The following APOOL variants were observed in gnomAD, a reference collection of about 807,000 sequenced individuals.
APOOL encodes the protein apolipoprotein O like.
A neutral mutation model predicts 23.1 loss-of-function variants in APOOL; 12 were observed. The ratio of observed to expected loss-of-function variants is 0.52; its 90% CI spans 0.33 to 0.84. The LOEUF is 0.84. Among genes scored for constraint, APOOL ranks in the 40% least tolerant of loss-of-function variants. The pLI, the probability that APOOL is intolerant of heterozygous loss-of-function variation, is 0.02. For missense variants in APOOL, 212 were observed against 199.6 expected (o/e 1.06, Z -0.37); for synonymous variants, 77 against 69.9 (o/e 1.10, Z -0.51).
chrX:85,034,662 G>C (rs898709425), intron 1 of APOOL, among the ~76,000 whole-genome samples: 1 of 111,465 alleles, frequency 9.0e-6, no homozygotes, highest in African/African-American at 3.3e-5. Flanking sequence ...CCATCTATAT[G>C]TCCGTGTGTA....
At chrX:85,085,577 C>A (rs767418981) in intron 8 of APOOL, among the ~76,000 whole-genome samples, 1 of 111,973 alleles carries the variant, frequency 8.9e-6, no homozygotes, top group Non-Finnish European at 1.9e-5. Flanking sequence ...ATTCCAATTT[C>A]TCTCCTTTGT....
intron 1 of APOOL, among the ~76,000 whole-genome samples, chrX:85,021,463 G>A (rs1214240998): frequency 9.1e-6 from 1 of 110,231 alleles, no homozygotes; most frequent in Non-Finnish European, 1.9e-5. Flanking sequence ...CTGGCCCCAG[G>A]CTCTAGAGAA....
rs766497759 is a variant in APOOL, at chrX:85,088,316, G to GTTTTTTTTTTTTTTTT, written c.*652_*667dup. The GTTTTTTTTTTTTTTTT allele has an allele frequency of 1.0e-3, 23 of 22,528 alleles. 7 individuals are homozygous for GTTTTTTTTTTTTTTTT. The highest frequency in any genetic ancestry group is 1.7e-3 in the Non-Finnish European group (22 of 12,652). The allele number at this position is 22,528 out of a possible 1,213,427, so 1.9% of individuals were successfully genotyped here. ...TGTATGGAAAGGTGTGTTTCCCTCT[G>GTTTTTTTTTTTTTTTT]TTTTTTTTTTTTTTTTTTTTTTTTT... is the stretch of plus-strand genomic sequence containing the variant. On this transcript the variant is annotated 3_prime_UTR_variant, in exon 9 of 9. Coordinates refer to ENST00000373173, the MANE Select transcript of APOOL (RefSeq NM_198450.6).
At chrX:85,014,516 G>A (rs975498668) in intron 1 of APOOL, among the ~76,000 whole-genome samples, 5 of 107,484 alleles carry the variant, frequency 4.7e-5, no homozygotes, top group African/African-American at 7.0e-5. Flanking sequence ...CTTGGTAGTG[G>A]CAAATTCTCA....
chrX:85,019,752 A>T (rs1490709128), intron 1 of APOOL, among the ~76,000 whole-genome samples: 1 of 111,888 alleles, frequency 8.9e-6, no homozygotes, highest in Admixed American at 9.4e-5. Context: ...ACATTCCACA[A>T]TGACTTGACC....
At chrX:85,068,632 CT>C (rs113251129) in intron 6 of APOOL, among the ~76,000 whole-genome samples, 2,852 of 110,305 alleles carry the variant, frequency 0.026, 90 homozygotes, top group African/African-American at 0.089. Context: ...TCTCGAACTC[CT>C]GACCTCAGGT....
intron 1 of APOOL, among the ~76,000 whole-genome samples, chrX:85,042,761 G>A (rs193256938): frequency 9.5e-4 from 106 of 111,891 alleles, no homozygotes; most frequent in African/African-American, 3.3e-3. Context: ...TTATCCTAGC[G>A]ATGCAAGGAT....
rs190086677 is a variant in APOOL, at chrX:85,090,053, A to G, written c.*2375A>G. On this transcript the variant is annotated 3_prime_UTR_variant, in exon 9 of 9. Coordinates refer to ENST00000373173, the MANE Select transcript of APOOL (RefSeq NM_198450.6). The stretch of plus-strand genomic sequence containing the variant: ...CAGTGGCTCATTGGTGCTATCAAGG[A>G]CGTAGACTTTTTCTCTTTCCACTCT... 7 of 109,999 alleles carry G rather than the reference A, an allele frequency of 6.4e-5. No individual in the cohort carries two copies. The East Asian group carries it at 2.0e-3, about 32-fold the overall frequency. The allele number at this position is 109,999 out of a possible 1,213,427, so 9.1% of individuals were successfully genotyped here. A position where few individuals can be genotyped will look rare whatever the true frequency, so the allele number is the denominator to read the frequency against.
intron 1 of APOOL, among the ~76,000 whole-genome samples, chrX:85,039,564 A>G (rs1335512602): frequency 9.0e-6 from 1 of 111,360 alleles, no homozygotes; most frequent in Non-Finnish European, 1.9e-5. Context: ...GTATCTAAGA[A>G]CTAGAACTTA....
At chrX:85,027,323 CT>C (rs942867062) in intron 1 of APOOL, among the ~76,000 whole-genome samples, 4 of 110,934 alleles carry the variant, frequency 3.6e-5, no homozygotes, top group Non-Finnish European at 5.7e-5. Context: ...ACCCAAACAC[CT>C]CCCACTGCCA....
chrX:85,021,360 G>A (rs896856953), intron 1 of APOOL, among the ~76,000 whole-genome samples: 4 of 111,763 alleles, frequency 3.6e-5, no homozygotes, highest in Admixed American at 9.4e-5. Flanking sequence ...TCTCCACAGC[G>A]CTAGGATCCT....
In APOOL at chrX:85,061,472, G is replaced by C. The variant is rs557093923; in HGVS notation, c.394+5547G>C. 2.3e-3 allele frequency among the ~76,000 whole-genome samples: 263 copies of C among 111,948 alleles called. 2 individuals are homozygous for C. Among genetic ancestry groups the C allele is most frequent in the African/African-American group, 8.0e-3 (246 of 30,784 alleles). On this transcript the variant is annotated intron_variant, in intron 5 of 8. Transcript: ENST00000373173. ...GAAGGAATGGTACCAGCTCCTCTTT[G>C]TACCTCTGGTAGAATTCGGCTGTGA... is the stretch of plus-strand genomic sequence containing the variant.
At chrX:85,021,322 A>G (rs1602744075) in intron 1 of APOOL, among the ~76,000 whole-genome samples, 1 of 110,952 alleles carries the variant, frequency 9.0e-6, no homozygotes, top group East Asian at 2.9e-4. Flanking sequence ...CCTCCAGCCA[A>G]CACCAGCAGA....
At chrX:85,026,570 G>T (rs1921850255) in intron 1 of APOOL, among the ~76,000 whole-genome samples, 1 of 112,629 alleles carries the variant, frequency 8.9e-6, no homozygotes, top group Admixed American at 9.4e-5. Flanking sequence ...CTAACTTTAA[G>T]TCATTTATTA....
chrX:85,047,526 C>T (rs992774882), intron 2 of APOOL, among the ~76,000 whole-genome samples: 2 of 111,262 alleles, frequency 1.8e-5, no homozygotes, highest in African/African-American at 6.5e-5. Flanking sequence ...ATCAACCATG[C>T]TCATAAGCAG....
chrX:85,073,064 A>G (rs1242857670), intron 6 of APOOL, among the ~76,000 whole-genome samples: 1 of 111,459 alleles, frequency 9.0e-6, no homozygotes, highest in Non-Finnish European at 1.9e-5. Flanking sequence ...GAGGAAGGAT[A>G]TATGTATAAC....
intron 6 of APOOL, among the ~76,000 whole-genome samples, chrX:85,068,889 A>G (rs1162627275): frequency 8.9e-6 from 1 of 111,929 alleles, no homozygotes; most frequent in African/African-American, 3.2e-5. Context: ...ACATCTTCAC[A>G]TGCATACACA....
intron 6 of APOOL, among the ~76,000 whole-genome samples, chrX:85,068,501 G>A (rs1923550997): frequency 9.4e-6 from 1 of 106,208 alleles, no homozygotes; most frequent in Admixed American, 1.0e-4. Context: ...TGCCTCCTGG[G>A]TTCAAGTGAT....
intron 1 of APOOL, among the ~76,000 whole-genome samples, chrX:85,020,999 G>A (rs1055074617): frequency 2.1e-4 from 23 of 111,992 alleles, no homozygotes; most frequent in African/African-American, 7.5e-4. Context: ...ACTAGGATCA[G>A]GATTGTCCCC....
Sources: gnomAD v4.1 joint callset for allele counts (sites outside exome capture counted in the v4.1 genomes callset) on GRCh38, gnomAD v4.1.1 for gene constraint, MANE v1.5 for transcripts, NCBI Gene and HGNC (gene_info 2026-07-23, HGNC 2026-07-21) for gene names.